The following WDR4 variants were observed in gnomAD, a reference collection of about 807,000 sequenced individuals.
WDR4 encodes WDR4 tRNA N7-guanosine methyltransferase non-catalytic subunit, also known as tRNA (guanine-N(7)-)-methyltransferase non-catalytic subunit WDR4.
In WDR4, 47 loss-of-function variants were observed where a neutral mutation model predicts 48.6. That is an observed-to-expected ratio of 0.97 (90% CI 0.77 to 1.23). The LOEUF (loss-of-function observed/expected upper bound fraction) is 1.23, where lower values mean the gene tolerates loss of function less well. WDR4 is among the 50% of genes most tolerant of loss of function. The probability of loss-of-function intolerance (pLI) is 0.00; values close to 1 mark genes in which losing one functional copy is unlikely to be tolerated. For synonymous variants in WDR4, 268 were observed against 230.0 expected, an observed-to-expected ratio of 1.17 and a Z score of -1.49; for missense variants, 606 against 551.6, an observed-to-expected ratio of 1.10 and a Z score of -0.99.
In WDR4 at chr21:42,852,772, G is replaced by A. The variant is rs546582177; in HGVS notation, c.976-448C>T. On this transcript the variant is annotated intron_variant, in intron 9 of 10. Transcript: ENST00000398208. ...CTCTACTAAAAATACAAAATTAGCC[G>A]GGTGTGGTGGCGCATGCCTGTAATC... Among the ~76,000 whole-genome samples the A allele has an allele frequency of 9.3e-4, 142 of 152,194 alleles. 1 individual carries two copies. The highest frequency in any genetic ancestry group is 1.8e-3 in the Non-Finnish European group (120 of 67,994).
chr21:42,859,044 C>T (rs765977263), intron 6 of WDR4, among the ~76,000 whole-genome samples: 5 of 152,114 alleles, frequency 3.3e-5, no homozygotes, highest in Non-Finnish European at 5.9e-5. Flanking sequence ...AGAGAAAACA[C>T]GTCTCTCATC....
intron 9 of WDR4, 128 bp from the exon 10 acceptor site, chr21:42,852,452 T>C (rs1602694087): frequency 1.9e-6 from 2 of 1,042,602 alleles, no homozygotes; most frequent in South Asian, 1.5e-5. Context: ...GGGACCCCCA[T>C]TCACCTTCTG....
chr21:42,877,493 G>A (rs1794183047), intron 1 of WDR4, among the ~76,000 whole-genome samples: 1 of 149,380 alleles, frequency 6.7e-6, no homozygotes, highest in Admixed American at 6.7e-5. Flanking sequence ...AAAAAAAGTT[G>A]ATTTTTTTTC....
intron 3 of WDR4, among the ~76,000 whole-genome samples, chr21:42,872,894 G>A (rs1050174778): frequency 1.3e-5 from 2 of 151,468 alleles, no homozygotes; most frequent in Admixed American, 6.6e-5. Context: ...CAAAGATCGC[G>A]CCATTGCACT....
intron 3 of WDR4, 21 bp downstream of exon 3, chr21:42,873,530 T>G: frequency 6.2e-7 from 1 of 1,613,458 alleles, no homozygotes; most frequent in Admixed American, 1.7e-5. Context: ...ATCTTAAGAA[T>G]CCAGCGTTAG....
chr21:42,854,476 AGGAC>A (rs1254440808), intron 8 of WDR4, 82 bp downstream of exon 8: 19 of 1,370,270 alleles, frequency 1.4e-5, no homozygotes, highest in Admixed American at 7.2e-5. Flanking sequence ...CTCTTCATTG[AGGAC>A]GTGGGCCAGT....
Position 42,862,324 on chromosome 21 carries a change from G to A in WDR4, c.524C>T (p.Ala175Val), listed in dbSNP as rs368245255. 30 of 1,611,718 alleles carry A rather than the reference G, an allele frequency of 1.9e-5. No individual in the cohort carries two copies. In the African/African-American group the frequency reaches 2.3e-4, roughly 12 times the overall value. ...GAAGGACTCGATGCTATGGGGCGCC[G>A]CGGCCCAGCTGACTCGGATCTTCTC... ...RDEKIRVSWA[A>V]APHSIESFCL... Residue 175 changes from alanine (A) to valine (V), a missense_variant, in exon 5 of 11, where the codon GCG (alanine) becomes GTG (valine). Transcript: ENST00000398208. The surrounding 1 kb of genome is among the most constrained non-coding windows in gnomAD (Gnocchi z 4.3).
chr21:42,864,419 G>A lies in WDR4; in HGVS notation c.297-823C>T, dbSNP rs534578233. ...CCCCTGCTGCTCGTTCTGCTGCGTC[G>A]AACCAGGAGCCTCAGACAGAGAGCC... is the stretch of plus-strand genomic sequence containing the variant. On this transcript the variant is annotated intron_variant, in intron 3 of 10. Transcript: ENST00000398208. 6.6e-5 allele frequency among the ~76,000 whole-genome samples: 10 copies of A among 152,188 alleles called. No homozygotes were observed. The East Asian group carries it at 1.4e-3, about 21-fold the overall frequency.
downstream of WDR4, among the ~76,000 whole-genome samples, chr21:42,848,397 G>C (rs569388200): frequency 7.0e-6 from 1 of 142,234 alleles, no homozygotes; most frequent in East Asian, 2.1e-4. Context: ...CACAGCACAC[G>C]ATCACGCGGC....
chr21:42,888,863 G>A, the WDR4 span, among the ~76,000 whole-genome samples: 13 of 151,588 alleles, frequency 8.6e-5, no homozygotes, highest in East Asian at 2.5e-3. Context: ...ACCACACCCA[G>A]CTAATTTTTG....
intron 9 of WDR4, among the ~76,000 whole-genome samples, chr21:42,852,670 C>G (rs887015011): frequency 9.9e-5 from 15 of 152,214 alleles, no homozygotes; most frequent in Non-Finnish European, 2.1e-4. Context: ...AATCCCAGCA[C>G]TTTGGGAGGC....
chr21:42,856,215 G>A (rs772596653), intron 6 of WDR4, among the ~76,000 whole-genome samples: 9 of 152,128 alleles, frequency 5.9e-5, no homozygotes, highest in Non-Finnish European at 1.0e-4. Flanking sequence ...TCATGAGCTC[G>A]TGGCCACTGC....
At chr21:42,847,216 G>A (rs929835055), downstream of WDR4, among the ~76,000 whole-genome samples, 11 of 152,246 alleles carry the variant, frequency 7.2e-5, no homozygotes, top group Non-Finnish European at 1.6e-4. Flanking sequence ...ACATCTCACA[G>A]AACAGACCCA....
downstream of WDR4, among the ~76,000 whole-genome samples, chr21:42,849,008 G>A (rs111638762): frequency 9.5e-3 from 1,114 of 117,814 alleles, 22 homozygotes; most frequent in African/African-American, 0.033. Flanking sequence ...CACACACAGC[G>A]CACGATCACA....
chr21:42,874,346 C>T (rs1002959146), intron 2 of WDR4, among the ~76,000 whole-genome samples: 4 of 152,106 alleles, frequency 2.6e-5, no homozygotes, highest in African/African-American at 4.8e-5. Flanking sequence ...TATGTCACCT[C>T]GGGACCCTGT....
At chr21:42,880,078 C>T (rs1013974601), upstream of WDR4, among the ~76,000 whole-genome samples, 10 of 151,176 alleles carry the variant, frequency 6.6e-5, no homozygotes, top group African/African-American at 2.4e-4. Context: ...TGCAGTGAGT[C>T]GAGATCGCCC....
intron 9 of WDR4, 136 bp downstream of exon 9, chr21:42,853,433 A>G: frequency 1.9e-6 from 2 of 1,057,346 alleles, no homozygotes; most frequent in South Asian, 1.7e-5. Flanking sequence ...GCCATTCAGG[A>G]CACAGACCCT....
At chr21:42,875,512 G>A (rs564812954) in intron 2 of WDR4, among the ~76,000 whole-genome samples, 4 of 152,190 alleles carry the variant, frequency 2.6e-5, no homozygotes, top group East Asian at 1.9e-4. Context: ...CCAAGATAGC[G>A]CCACTGCACT....
intron 11 of WDR4, among the ~76,000 whole-genome samples, chr21:42,843,880 G>A (rs536879667): frequency 5.3e-5 from 8 of 152,220 alleles, no homozygotes; most frequent in African/African-American, 1.9e-4. Context: ...TTTTAAAGAT[G>A]AGGTCTCACT....
Sources: gnomAD v4.1 joint callset for allele counts (sites outside exome capture counted in the v4.1 genomes callset) on GRCh38, gnomAD v4.1.1 for gene constraint, Gnocchi (gnomAD v3.1) non-coding constraint, MANE v1.5 for transcripts, NCBI Gene and HGNC (gene_info 2026-07-23, HGNC 2026-07-21) for gene names.